Variants in ZBTB20 observed in about 807,000 individuals in gnomAD.
The protein encoded by ZBTB20 is zinc finger and BTB domain-containing protein 20.
In ZBTB20, 9 loss-of-function variants were observed where a neutral mutation model predicts 56.9. That is an observed-to-expected ratio of 0.16 (90% CI 0.10 to 0.28). ZBTB20 has a LOEUF of 0.28. ZBTB20 is among the 10% of genes least tolerant of loss of function. The pLI, the probability that ZBTB20 is intolerant of heterozygous loss-of-function variation, is 1.00. For synonymous variants in ZBTB20, 417 were observed against 420.7 expected (o/e 0.99, Z 0.11); for missense variants, 655 against 1,003.0 (o/e 0.65, Z 4.69).
chr3:114,498,719 C>A (rs1225231312), intron 7 of ZBTB20, among the ~76,000 whole-genome samples: 1 of 152,192 alleles, frequency 6.6e-6, no homozygotes, highest in Non-Finnish European at 1.5e-5. Flanking sequence ...AATAGGATAT[C>A]TCTAGAAGCT....
At chr3:114,738,815 A>T (rs2066370634) in intron 5 of ZBTB20, among the ~76,000 whole-genome samples, 2 of 152,236 alleles carry the variant, frequency 1.3e-5, no homozygotes, top group Non-Finnish European at 2.9e-5. Context: ...ATAAACAGAG[A>T]ACGTTTCAAA....
intron 7 of ZBTB20, among the ~76,000 whole-genome samples, chr3:114,497,344 T>C (rs988410012): frequency 2.0e-5 from 3 of 152,170 alleles, no homozygotes; most frequent in Non-Finnish European, 4.4e-5. Flanking sequence ...CTGCACGGCA[T>C]ACAAGGTCCT....
intron 7 of ZBTB20, among the ~76,000 whole-genome samples, chr3:114,412,449 A>G (rs894939878): frequency 1.3e-5 from 2 of 152,150 alleles, no homozygotes; most frequent in South Asian, 4.1e-4. Context: ...TGAAGAGGAC[A>G]AGGATCTCCC....
intron 11 of ZBTB20, among the ~76,000 whole-genome samples, chr3:114,341,338 G>A (rs2079746803): frequency 6.6e-6 from 1 of 152,040 alleles, no homozygotes; most frequent in South Asian, 2.1e-4. Context: ...ATTTCTGTCA[G>A]CTGTAAACAT....
chr3:114,666,957 AATAG>A (rs1336738605), intron 6 of ZBTB20, among the ~76,000 whole-genome samples: 1 of 152,046 alleles, frequency 6.6e-6, no homozygotes, highest in African/African-American at 2.4e-5. Context: ...TTATTTTAAA[AATAG>A]ATAGAAGGCA....
chr3:114,998,133 G>C (rs1016154637), intron 2 of ZBTB20, among the ~76,000 whole-genome samples: 1 of 151,528 alleles, frequency 6.6e-6, no homozygotes, highest in Non-Finnish European at 1.5e-5. Flanking sequence ...AGTATAGATA[G>C]GTCAAATTTA....
At chr3:115,065,277 A>C (rs1299585296) in intron 2 of ZBTB20, among the ~76,000 whole-genome samples, 5 of 152,150 alleles carry the variant, frequency 3.3e-5, no homozygotes, top group Non-Finnish European at 7.3e-5. Flanking sequence ...ATCTTCTGCT[A>C]TCTCTCTGAG....
At chr3:114,974,273 A>G (rs2078009612) in intron 3 of ZBTB20, 93 bp downstream of exon 3, 1 of 151,986 alleles carries the variant, frequency 6.6e-6, no homozygotes, top group South Asian at 2.1e-4. Flanking sequence ...AATAAAATAA[A>G]AGAAAAGTTG....
At chr3:114,342,991 AAGAAACTGAG>A (rs2079903242) in intron 11 of ZBTB20, among the ~76,000 whole-genome samples, 1 of 152,166 alleles carries the variant, frequency 6.6e-6, no homozygotes, top group South Asian at 2.1e-4. Context: ...ACAGCAAGGG[AAGAAACTGAG>A]GGGGAGGCAG....
At chr3:114,428,101 C>A (rs1448500928) in intron 7 of ZBTB20, among the ~76,000 whole-genome samples, 1 of 152,114 alleles carries the variant, frequency 6.6e-6, no homozygotes, top group Non-Finnish European at 1.5e-5. Context: ...CCAAAGGGCA[C>A]AATTTGGGGC....
chr3:114,798,162 G>C (rs1178383301), intron 5 of ZBTB20, among the ~76,000 whole-genome samples: 1 of 151,588 alleles, frequency 6.6e-6, no homozygotes, highest in Non-Finnish European at 1.5e-5. Context: ...CACCACTATG[G>C]TTCTGTTCAG....
At chr3:114,588,163 A>C (rs2055375783) in intron 6 of ZBTB20, among the ~76,000 whole-genome samples, 1 of 152,188 alleles carries the variant, frequency 6.6e-6, no homozygotes, top group Admixed American at 6.5e-5. Context: ...GAAGGGGCGG[A>C]CAGCTTTCTT....
At chr3:114,638,357 T>C (rs1328490197) in intron 6 of ZBTB20, among the ~76,000 whole-genome samples, 1 of 152,108 alleles carries the variant, frequency 6.6e-6, no homozygotes, top group South Asian at 2.1e-4. Flanking sequence ...CCCAGAGATA[T>C]CAGCACAGAC....
intron 3 of ZBTB20, among the ~76,000 whole-genome samples, chr3:114,956,602 G>C (rs866015230): frequency 5.3e-5 from 8 of 152,266 alleles, no homozygotes; most frequent in Admixed American, 2.0e-4. Flanking sequence ...AGGTATAATG[G>C]CAGGCTTGCC....
intron 1 of ZBTB20, among the ~76,000 whole-genome samples, chr3:115,101,748 G>A (rs1273468665): frequency 6.6e-6 from 1 of 151,866 alleles, no homozygotes; most frequent in Non-Finnish European, 1.5e-5. Context: ...CCTGCGTTTG[G>A]GCAACAATAA....
At chr3:114,886,784 C>T (rs939182400) in intron 4 of ZBTB20, among the ~76,000 whole-genome samples, 3 of 152,002 alleles carry the variant, frequency 2.0e-5, no homozygotes, top group Non-Finnish European at 2.9e-5. Context: ...ATAAAAAATA[C>T]CAAGGTGCTA....
intron 6 of ZBTB20, chr3:114,582,029 T>C (rs2107490054): frequency 6.6e-6 from 1 of 152,310 alleles, no homozygotes; most frequent in South Asian, 2.1e-4. Flanking sequence ...TACAGAAGAA[T>C]ACATTTCATA....
At chr3:114,764,583 C>T (rs1473175430) in intron 5 of ZBTB20, among the ~76,000 whole-genome samples, 3 of 152,118 alleles carry the variant, frequency 2.0e-5, no homozygotes, top group Non-Finnish European at 2.9e-5. Context: ...TATTGAATGA[C>T]GGAAGTCTAA....
At chr3:114,545,713 T>C (rs1460811849) in intron 6 of ZBTB20, among the ~76,000 whole-genome samples, 1 of 152,178 alleles carries the variant, frequency 6.6e-6, no homozygotes, top group Non-Finnish European at 1.5e-5. Flanking sequence ...GAGTACATAT[T>C]ACAAGCTTCT....
Sources: allele counts gnomAD v4.1 joint callset (sites outside exome capture counted in the v4.1 genomes callset), GRCh38; gene constraint gnomAD v4.1.1; transcripts MANE v1.5; gene names NCBI Gene and HGNC (gene_info 2026-07-23, HGNC 2026-07-21).